The following ZBTB43 variants were observed in gnomAD, a reference collection of about 807,000 sequenced individuals.
The protein encoded by ZBTB43 is zinc finger and BTB domain-containing protein 43.
Under a neutral mutation model 31.1 loss-of-function variants are expected in ZBTB43, and 6 were observed. The observed-to-expected ratio is 0.19, with a 90% CI of 0.11 to 0.38. The LOEUF (loss-of-function observed/expected upper bound fraction) is 0.38. Among genes scored for constraint, ZBTB43 ranks in the 10% least tolerant of loss-of-function variants. The pLI is 1.00. For missense variants in ZBTB43, 379 were observed against 602.1 expected (o/e 0.63, Z 3.88); for synonymous variants, 212 against 221.7 (o/e 0.96, Z 0.39).
At chr9:126,819,914 A>G (rs542909858) in intron 2 of ZBTB43, among the ~76,000 whole-genome samples, 3 of 152,346 alleles carry the variant, frequency 2.0e-5, no homozygotes, top group South Asian at 2.1e-4. Flanking sequence ...AGTGGTCTGA[A>G]TGGAAGGTCA....
chr9:126,817,196 C>T lies in ZBTB43; in HGVS notation c.-24+8281C>T, dbSNP rs111632393. On this transcript the variant is annotated intron_variant, in intron 2 of 2. Coordinates refer to ENST00000373464, the MANE Select transcript of ZBTB43 (RefSeq NM_014007.4). ...TGGCAGTCACAGCTCACTGCAGCCT[C>T]GACCTCCCCTGTTCAAGAGATTTCC... Among the ~76,000 whole-genome samples the T allele has an allele frequency of 3.9e-3, 570 of 146,470 alleles. 5 individuals are homozygous for T. The highest frequency in any genetic ancestry group is 0.014 in the African/African-American group (533 of 39,328).
intron 2 of ZBTB43, among the ~76,000 whole-genome samples, chr9:126,816,487 C>T (rs988116069): frequency 6.6e-5 from 10 of 152,122 alleles, no homozygotes; most frequent in African/African-American, 2.4e-4. Flanking sequence ...AAAATGTACT[C>T]TTTGTCTATT....
intron 2 of ZBTB43, among the ~76,000 whole-genome samples, chr9:126,815,330 C>CTATATATATAGTTTTCAATATATAAAAA (rs2032357917): frequency 3.3e-5 from 4 of 120,030 alleles, no homozygotes; most frequent in African/African-American, 1.3e-4. Flanking sequence ...ATATATAAAA[C>CTATATATATAGTTTTCAATATATAAAAA]TATATATATA....
At chr9:126,805,494 G>C (rs1291090200) in intron 1 of ZBTB43, among the ~76,000 whole-genome samples, 2 of 152,244 alleles carry the variant, frequency 1.3e-5, no homozygotes, top group African/African-American at 2.4e-5. Flanking sequence ...CCTCGGGTTC[G>C]AGCCACCAAT....
Position 126,836,695 on chromosome 9 carries a change from G to C in ZBTB43, c.*2782G>C, listed in dbSNP as rs942448103. ...TAACATTGTTCAAACAATCTTTCAG[G>C]GATCACGTCAATGGCCTACAACCAA... On this transcript the variant is annotated 3_prime_UTR_variant, in exon 3 of 3. Transcript: ENST00000373464. The C allele has an allele frequency of 6.0e-6, 1 of 166,904 alleles. No homozygotes were observed. The highest frequency in any genetic ancestry group is 1.5e-5 in the Non-Finnish European group (1 of 68,096). The allele number at this position is 166,904 out of a possible 1,614,324, so 10.3% of individuals were successfully genotyped here.
chr9:126,804,250 G>A (rs1396227443), upstream of ZBTB43, among the ~76,000 whole-genome samples: 2 of 152,060 alleles, frequency 1.3e-5, no homozygotes, highest in Non-Finnish European at 1.5e-5. Context: ...TAGAGAGATC[G>A]TTTCTGTCCC....
intron 2 of ZBTB43, among the ~76,000 whole-genome samples, chr9:126,820,349 C>G (rs2032482844): frequency 6.6e-6 from 1 of 152,140 alleles, no homozygotes; most frequent in Non-Finnish European, 1.5e-5. Flanking sequence ...GGCCACTGCT[C>G]AGGTACCATT....
intron 1 of ZBTB43, among the ~76,000 whole-genome samples, chr9:126,807,010 T>G (rs2032140668): frequency 6.6e-6 from 1 of 152,298 alleles, no homozygotes; most frequent in Non-Finnish European, 1.5e-5. Context: ...AATGCAAAAT[T>G]ATGTGTTATT....
At chr9:126,820,694 G>A (rs765110607) in intron 2 of ZBTB43, among the ~76,000 whole-genome samples, 62 of 152,218 alleles carry the variant, frequency 4.1e-4, no homozygotes, top group Non-Finnish European at 6.0e-4. Flanking sequence ...TGAGCCAGGT[G>A]CAGCAGCTCA....
rs374470489 is a variant in ZBTB43 at position 126,835,403 on chromosome 9, G to A, written c.*1490G>A. ...CTACCATGTCATCTTTTCCACAATC[G>A]TACTGGGTTATTTACTTCTAAATAG... On this transcript the variant is annotated 3_prime_UTR_variant, in exon 3 of 3. Transcript: ENST00000373464. 7.8e-5 allele frequency: 13 copies of A among 166,958 alleles called. No individual in the cohort carries two copies. The highest frequency in any genetic ancestry group is 1.9e-4 in the African/African-American group (8 of 41,414). The allele number at this position is 166,958 out of a possible 1,614,324, so 10.3% of individuals were successfully genotyped here.
intron 2 of ZBTB43, among the ~76,000 whole-genome samples, chr9:126,828,327 G>A (rs2032689164): frequency 6.6e-6 from 1 of 151,634 alleles, no homozygotes; most frequent in African/African-American, 2.4e-5. Flanking sequence ...GGGACTACAG[G>A]CACCCACCAC....
At chr9:126,825,309 T>G (rs938273167) in intron 2 of ZBTB43, among the ~76,000 whole-genome samples, 1 of 144,958 alleles carries the variant, frequency 6.9e-6, no homozygotes, top group South Asian at 2.1e-4. Flanking sequence ...TTGAGTTTGT[T>G]GATTTTTTTT....
rs771307216 is a variant in ZBTB43 at position 126,833,277 on chromosome 9, G to A, written c.768G>A (p.Glu256=). The change falls in exon 3 of 3, where the codon GAG becomes GAA. Residue 256 remains glutamate, a synonymous_variant. Coordinates refer to ENST00000373464, the MANE Select transcript of ZBTB43 (RefSeq NM_014007.4). The surrounding 1 kb of genome is among the most constrained non-coding windows in gnomAD (Gnocchi z 7.9). ...VKPERLEQAC[E]GMDVHATYDE... is the part of the protein sequence containing the mutation. Reference sequence around the variant, plus strand: ...CCGAGCGCTTAGAACAGGCTTGCGAGGGCATGGATGTGCACGCGACCTACG... The same window carrying A: ...CCGAGCGCTTAGAACAGGCTTGCGAAGGCATGGATGTGCACGCGACCTACG... 6.2e-7 allele frequency: 1 copy of A among 1,613,550 alleles called. No homozygotes were observed. Among genetic ancestry groups the A allele is most frequent in the Non-Finnish European group, 8.5e-7 (1 of 1,179,826 alleles).
At chr9:126,825,919 C>T (rs1174531319) in intron 2 of ZBTB43, among the ~76,000 whole-genome samples, 1 of 147,104 alleles carries the variant, frequency 6.8e-6, no homozygotes, top group Non-Finnish European at 1.5e-5. Context: ...CATCTCAGCT[C>T]ACTGCAACCT....
intron 1 of ZBTB43, among the ~76,000 whole-genome samples, chr9:126,805,469 G>C (rs1019805105): frequency 2.6e-5 from 4 of 152,244 alleles, no homozygotes; most frequent in Admixed American, 6.5e-5. Flanking sequence ...GCGTAGGGTG[G>C]GCGCGGCTTG....
chr9:126,816,489 TTGTC>T (rs1165484605), intron 2 of ZBTB43, among the ~76,000 whole-genome samples: 9 of 152,256 alleles, frequency 5.9e-5, no homozygotes, highest in Non-Finnish European at 1.3e-4. Flanking sequence ...AATGTACTCT[TTGTC>T]TATTTCTTGC....
Position 126,838,060 on chromosome 9 carries a change from G to T in ZBTB43, c.*4147G>T, listed in dbSNP as rs2032920947. On this transcript the variant is annotated 3_prime_UTR_variant, in exon 3 of 3. Transcript: ENST00000373464. ...ATGTTATGCCTATGTTGCAAAAGTTGAATAGTTTTGTCTTTATATATTGCT... is the reference window on the plus strand; with the variant it reads ...ATGTTATGCCTATGTTGCAAAAGTTTAATAGTTTTGTCTTTATATATTGCT... 3 of 166,910 alleles carry T rather than the reference G, an allele frequency of 1.8e-5. No individual in the cohort carries two copies. The Admixed American group carries it at 2.0e-4, about 11-fold the overall frequency. The allele number at this position is 166,910 out of a possible 1,614,324, so 10.3% of individuals were successfully genotyped here.
At position 126,833,171 on chromosome 9, in the gene ZBTB43, A is replaced by C. The variant is rs771306645; in HGVS notation, c.662A>C (p.Asp221Ala). 1.2e-6 allele frequency: 2 copies of C among 1,613,728 alleles called. No homozygotes were observed. The highest frequency in any genetic ancestry group is 1.7e-6 in the Non-Finnish European group (2 of 1,180,034). ...CAGGATGGGGAGGAGGGCGCCAGCG[A>C]CAGCGCCGAGTTCCACTACACCCGG... ...ASQDGEEGAS[D>A]SAEFHYTRPM... The change falls in exon 3 of 3, where the codon GAC (aspartate) becomes GCC (alanine). Residue 221 changes from aspartate (D) to alanine (A), a missense_variant. Asp to Ala is a moderately radical substitution (Grantham distance 126). This residue lies in a region of ZBTB43 where 253 missense variants were observed against 322.3 expected (regional missense o/e 0.79). Transcript: ENST00000373464. This position sits in a 1 kb window ranked among gnomAD's most constrained non-coding sequence, Gnocchi z 7.9.
Position 126,807,310 on chromosome 9 carries a change from T to G in ZBTB43, c.-146-1483T>G, listed in dbSNP as rs2032148077. ...ACTAAAACATGGTATCAATGCCTAT[T>G]CTAATGCATATATACAAAGGAAAAA... is the stretch of plus-strand genomic sequence containing the variant. On this transcript the variant is annotated intron_variant, in intron 1 of 2. Coordinates refer to ENST00000373464, the MANE Select transcript of ZBTB43 (RefSeq NM_014007.4). 2.0e-5 allele frequency among the ~76,000 whole-genome samples: 3 copies of G among 152,254 alleles called. No homozygotes were observed. In the South Asian group the frequency reaches 6.2e-4, roughly 32 times the overall value.
Sources: allele counts gnomAD v4.1 joint callset (sites outside exome capture counted in the v4.1 genomes callset), GRCh38; gene constraint gnomAD v4.1.1; regional missense constraint gnomAD v4.1.1; non-coding constraint Gnocchi (gnomAD v3.1); transcripts MANE v1.5; gene names NCBI Gene and HGNC (gene_info 2026-07-23, HGNC 2026-07-21).